Variants in DCBLD2 observed in about 807,000 individuals in gnomAD.
DCBLD2 encodes discoidin, CUB and LCCL domain containing 2, also known as discoidin, CUB and LCCL domain-containing protein 2.
Under a neutral mutation model 86.8 loss-of-function variants are expected in DCBLD2, and 54 were observed. That is an observed-to-expected ratio of 0.62 (90% CI 0.50 to 0.78). The LOEUF (loss-of-function observed/expected upper bound fraction) is 0.78, where lower values mean the gene tolerates loss of function less well. Ranked by LOEUF, DCBLD2 falls within the 30% of genes least tolerant of loss-of-function variation. The pLI is 0.00. For missense variants in DCBLD2, 908 were observed against 954.2 expected (o/e 0.95, Z 0.64); for synonymous variants, 354 against 341.3 (o/e 1.04, Z -0.41).
rs768481381 is a variant in DCBLD2, at chr3:98,801,630, T to C, written c.1690A>G (p.Thr564Ala). Residue 564 changes from threonine to alanine, a missense_variant, in exon 14 of 16, where the codon ACC (threonine) becomes GCC (alanine). Thr to Ala is a moderately conservative substitution (Grantham distance 58). Transcript: ENST00000326840. Reference protein sequence around the residue: ...WRNRKKKTEGTYDLPYWDRAG... With the variant: ...WRNRKKKTEGAYDLPYWDRAG... ...CGGTCCCAGTAAGGTAAGTCATAGG[T>C]GCCTTCAGTTTTTTTCTTTCTGGAA... 1.2e-6 allele frequency: 2 copies of C among 1,609,042 alleles called. No individual in the cohort carries two copies. The highest frequency in any genetic ancestry group is 1.1e-5 in the South Asian group (1 of 89,942).
rs939064132 is a variant in DCBLD2 at position 98,901,029 on chromosome 3, C to T, written c.205+93G>A. On this transcript the variant is annotated intron_variant, in intron 1 of 15. Coordinates refer to ENST00000326840, the MANE Select transcript of DCBLD2 (RefSeq NM_080927.4). ...GGCCACGCACGAAAGCGCACCGCGC[C>T]TCCCTGCAGCGTCTGCAGATTTGTT... The T allele has an allele frequency of 4.6e-6, 7 of 1,524,022 alleles. No individual in the cohort carries two copies. The African/African-American group carries it at 9.7e-5, about 21-fold the overall frequency. The allele number at this position is 1,524,022 out of a possible 1,614,324, so 94.4% of individuals were successfully genotyped here.
intron 15 of DCBLD2, 63 bp downstream of exon 15, chr3:98,800,516 C>T: frequency 6.6e-7 from 1 of 1,522,144 alleles, no homozygotes. Flanking sequence ...TCCCAAAGCA[C>T]TTTATAGCAA....
intron 2 of DCBLD2, among the ~76,000 whole-genome samples, chr3:98,873,696 G>A (rs1396154845): frequency 6.6e-6 from 1 of 151,620 alleles, no homozygotes; most frequent in African/African-American, 2.4e-5. Context: ...TAAATGCCTA[G>A]CTAAAACTAG....
chr3:98,825,643 T>TTATACA, intron 3 of DCBLD2, among the ~76,000 whole-genome samples: 1 of 115,088 alleles, frequency 8.7e-6, no homozygotes, highest in East Asian at 4.0e-4. Context: ...ATATGTGTAT[T>TTATACA]TATATATATA....
At position 98,849,495 on chromosome 3, in the gene DCBLD2, T is replaced by C. The variant is rs780993654; in HGVS notation, c.537A>G (p.Gly179=). The C allele has an allele frequency of 2.5e-6, 4 of 1,613,788 alleles. No homozygotes were observed. The African/African-American group carries it at 5.3e-5, about 22-fold the overall frequency. The change falls in exon 3 of 16, where the codon GGA becomes GGG. Residue 179 remains glycine, a synonymous_variant. Coordinates refer to ENST00000326840, the MANE Select transcript of DCBLD2 (RefSeq NM_080927.4). ...FMSGIHVSGR[G]FLASYSVIDK... The stretch of plus-strand genomic sequence containing the variant: ...CTATAACAGAGTATGAGGCCAAAAA[T>C]CCGCGTCCAGAAACATGGATTCCAC...
intron 1 of DCBLD2, among the ~76,000 whole-genome samples, chr3:98,892,647 T>C (rs1237582437): frequency 6.6e-6 from 1 of 152,176 alleles, no homozygotes; most frequent in African/African-American, 2.4e-5. Flanking sequence ...CCTTGGTTCC[T>C]GAAGTCTAGC....
intron 2 of DCBLD2, among the ~76,000 whole-genome samples, chr3:98,878,574 C>G (rs559913897): frequency 6.6e-6 from 1 of 152,338 alleles, no homozygotes; most frequent in South Asian, 2.1e-4. Context: ...CTGTAATTCT[C>G]TGCAGACCTA....
chr3:98,819,355 A>G lies in DCBLD2; in HGVS notation c.934T>C (p.Ser312Pro), dbSNP rs1003667987. The G allele has an allele frequency of 1.2e-6, 2 of 1,613,764 alleles. No homozygotes were observed. Among genetic ancestry groups the G allele is most frequent in the East Asian group, 2.2e-5 (1 of 44,870 alleles). Residue 312 changes from serine (S) to proline (P), a missense_variant, in exon 8 of 16, where the codon TCT (serine) becomes CCT (proline). Coordinates refer to ENST00000326840, the MANE Select transcript of DCBLD2 (RefSeq NM_080927.4). ...GTGTGGTCAGTCCACTCCAGCACAG[A>G]TGATGCTGTTATTTGAGGATCCGCG... is the stretch of plus-strand genomic sequence containing the variant. Reference protein sequence around the residue: ...VIADPQITASSVLEWTDHTGQ... With the variant: ...VIADPQITASPVLEWTDHTGQ...
At chr3:98,816,140 T>C (rs1303975438) in intron 9 of DCBLD2, 1 of 148,664 alleles carries the variant, frequency 6.7e-6, no homozygotes, top group African/African-American at 2.5e-5. Context: ...AAAAAAGACA[T>C]ATCACATATT....
chr3:98,854,709 G>C (rs1438667157), intron 2 of DCBLD2, among the ~76,000 whole-genome samples: 1 of 152,126 alleles, frequency 6.6e-6, no homozygotes, highest in East Asian at 1.9e-4. Context: ...TGTACATCTT[G>C]ATTTTAGAAA....
intron 2 of DCBLD2, among the ~76,000 whole-genome samples, chr3:98,861,201 A>G (rs537531990): frequency 1.2e-4 from 18 of 152,354 alleles, no homozygotes; most frequent in African/African-American, 4.1e-4. Flanking sequence ...TGCAGCCAAT[A>G]CAGGAGAACC....
In DCBLD2 at chr3:98,811,525, G is replaced by A. The variant is rs1183352750; in HGVS notation, c.1393C>T (p.Pro465Ser). ...GRPPKLTQPP[P>S]PRNSNDLKNT... The stretch of plus-strand genomic sequence containing the variant: ...TTGAGGTCATTGCTGTTCCGAGGAG[G>A]TGGAGGTTGAGTAAGTTTTGGAGGA... Residue 465 changes from proline (P) to serine (S), a missense_variant, in exon 11 of 16, where the codon CCT becomes TCT. Pro to Ser is a moderately conservative substitution (Grantham distance 74). Transcript: ENST00000326840. The A allele has an allele frequency of 6.3e-7, 1 of 1,594,300 alleles. No individual in the cohort carries two copies. Among genetic ancestry groups the A allele is most frequent in the Non-Finnish European group, 8.5e-7 (1 of 1,172,008 alleles).
chr3:98,801,139 T>G (rs1419773409), intron 14 of DCBLD2, among the ~76,000 whole-genome samples: 1 of 152,170 alleles, frequency 6.6e-6, no homozygotes, highest in Non-Finnish European at 1.5e-5. Context: ...GGGGGGCCCC[T>G]TTGGTGTCAC....
chr3:98,851,330 TC>T (rs1477286852), intron 2 of DCBLD2, among the ~76,000 whole-genome samples: 1 of 152,020 alleles, frequency 6.6e-6, no homozygotes, highest in Non-Finnish European at 1.5e-5. Context: ...ATGAGAGAAC[TC>T]CCATTCACAA....
chr3:98,896,163 T>C (rs1943746552), intron 1 of DCBLD2, among the ~76,000 whole-genome samples: 1 of 152,220 alleles, frequency 6.6e-6, no homozygotes, highest in East Asian at 1.9e-4. Flanking sequence ...GTGAATGATG[T>C]TTTAGTAGCC....
intron 1 of DCBLD2, among the ~76,000 whole-genome samples, chr3:98,895,034 T>A (rs554677867): frequency 6.7e-6 from 1 of 150,362 alleles, no homozygotes; most frequent in African/African-American, 2.4e-5. Flanking sequence ...ACAAGGAAAG[T>A]AAGAGCATTT....
chr3:98,812,214 G>T, intron 10 of DCBLD2, 118 bp downstream of exon 10: 1 of 1,344,982 alleles, frequency 7.4e-7, no homozygotes, highest in Non-Finnish European at 1.0e-6. Flanking sequence ...AGAAGATATT[G>T]TAATTAGAGT....
At position 98,798,438 on chromosome 3, in the gene DCBLD2, A is replaced by G. The variant is rs149611568; in HGVS notation, c.*934T>C. On this transcript the variant is annotated 3_prime_UTR_variant, in exon 16 of 16. Transcript: ENST00000326840. ...AATTTTGCCTTTCACTGTGATAAAT[A>G]TAAGTGGGTCATGTTTACAGTATTC... 1 of 152,324 alleles carries G rather than the reference A, an allele frequency of 6.6e-6. No individual in the cohort carries two copies. Among genetic ancestry groups the G allele is most frequent in the African/African-American group, 2.4e-5 (1 of 41,582 alleles). The allele number at this position is 152,324 out of a possible 1,614,324, so 9.4% of individuals were successfully genotyped here.
chr3:98,862,269 C>T (rs547111216), intron 2 of DCBLD2, among the ~76,000 whole-genome samples: 6 of 152,282 alleles, frequency 3.9e-5, no homozygotes, highest in African/African-American at 1.4e-4. Flanking sequence ...GACAGATTCA[C>T]AGCCAAATTC....
Sources: allele counts gnomAD v4.1 joint callset (sites outside exome capture counted in the v4.1 genomes callset), GRCh38; gene constraint gnomAD v4.1.1; transcripts MANE v1.5; gene names NCBI Gene and HGNC (gene_info 2026-07-23, HGNC 2026-07-21).